The following IKBKE variants were observed in gnomAD, a reference collection of about 807,000 sequenced individuals.
IKBKE encodes inhibitor of nuclear factor kappa B kinase subunit epsilon.
A neutral mutation model predicts 92.1 loss-of-function variants in IKBKE; 45 were observed. The ratio of observed to expected loss-of-function variants is 0.49; its 90% CI spans 0.38 to 0.63. IKBKE has a LOEUF of 0.63. Among genes scored for constraint, IKBKE ranks in the 20% least tolerant of loss-of-function variants. The pLI is 0.00. For synonymous variants in IKBKE, 374 were observed against 380.3 expected, an observed-to-expected ratio of 0.98 and a Z score of 0.19; for missense variants, 700 against 932.8, an observed-to-expected ratio of 0.75 and a Z score of 3.25.
Position 206,476,757 on chromosome 1 carries a change from T to C in IKBKE, c.620T>C (p.Ile207Thr). The change falls in exon 7 of 22, where the codon ATT (isoleucine) becomes ACT (threonine). Residue 207 changes from isoleucine to threonine, a missense_variant. By Grantham distance (89) the Ile-to-Thr change is moderately conservative (BLOSUM62 -1). Coordinates refer to ENST00000581977, the MANE Select transcript of IKBKE (RefSeq NM_014002.4). This position sits in a 1 kb window ranked among gnomAD's most constrained non-coding sequence, Gnocchi z 5.1. The part of the protein sequence containing the change: ...AFGVTVDLWS[I>T]GVTLYHAATG... ...GGGGTGACTGTGGATCTCTGGAGCA[T>C]TGGAGTGACCTTGTACCATGCAGCC... The C allele has an allele frequency of 1.9e-6, 3 of 1,614,206 alleles. No homozygotes were observed. The highest frequency in any genetic ancestry group is 2.5e-6 in the Non-Finnish European group (3 of 1,180,032).
chr1:206,474,233 G>T (rs1249566142), intron 3 of IKBKE, 98 bp from the exon 4 acceptor site: 3 of 1,221,796 alleles, frequency 2.5e-6, no homozygotes, highest in Non-Finnish European at 3.5e-6. Flanking sequence ...TGGCCGGAGA[G>T]GCTGAATGGA....
intron 2 of IKBKE, 83 bp from the exon 3 acceptor site, chr1:206,473,113 G>A: frequency 1.3e-6 from 1 of 769,696 alleles, no homozygotes; most frequent in East Asian, 2.7e-5. Flanking sequence ...GGGTAGCCTT[G>A]GGGCACAGTT....
At position 206,476,727 on chromosome 1, in the gene IKBKE, C is replaced by A; in HGVS notation, c.590C>A (p.Ala197Glu). Reference sequence around the variant, plus strand: ...GTGCTTCGAAAGCCCCAGCAAAAAGCGTTCGGGGTGACTGTGGATCTCTGG... The same window carrying A: ...GTGCTTCGAAAGCCCCAGCAAAAAGAGTTCGGGGTGACTGTGGATCTCTGG... Reference protein sequence around the residue: ...RAVLRKPQQKAFGVTVDLWSI... With the variant: ...RAVLRKPQQKEFGVTVDLWSI... Residue 197 changes from alanine to glutamate, a missense_variant, in exon 7 of 22, where the codon GCG (alanine) becomes GAG (glutamate). Coordinates refer to ENST00000581977, the MANE Select transcript of IKBKE (RefSeq NM_014002.4). The surrounding 1 kb of genome is among the most constrained non-coding windows in gnomAD (Gnocchi z 5.1). The A allele has an allele frequency of 1.2e-6, 2 of 1,614,256 alleles. No individual in the cohort carries two copies. Among genetic ancestry groups the A allele is most frequent in the Non-Finnish European group, 1.7e-6 (2 of 1,180,036 alleles).
At chr1:206,493,199 C>A in intron 19 of IKBKE, 67 bp from the exon 20 acceptor site, 1 of 1,553,292 alleles carries the variant, frequency 6.4e-7, no homozygotes, top group Non-Finnish European at 8.9e-7. Context: ...CCTCCTCCAG[C>A]ACTCCCCCTA....
At chr1:206,486,927 G>T (rs1665698830) in intron 15 of IKBKE, among the ~76,000 whole-genome samples, 1 of 151,958 alleles carries the variant, frequency 6.6e-6, no homozygotes, top group Non-Finnish European at 1.5e-5. Context: ...GAAGGCTGAG[G>T]ATCAAGGCCC....
Position 206,478,009 on chromosome 1 carries a change from A to C in IKBKE, c.812+150A>C. On this transcript the variant is annotated intron_variant, in intron 8 of 21. Transcript: ENST00000581977. This position sits in a 1 kb window ranked among gnomAD's most constrained non-coding sequence, Gnocchi z 4.8. ...ACTTTCCCATCTGGTTGCTGGAACG[A>C]GTTCTTCCAGCTCTTCCTCCCCAAC... 1.2e-6 allele frequency: 1 copy of C among 823,860 alleles called. No individual in the cohort carries two copies. The highest frequency in any genetic ancestry group is 1.9e-6 in the Non-Finnish European group (1 of 512,918). 51.0% of individuals were successfully genotyped at this position (823,860 alleles called of 1,614,324 possible).
intron 18 of IKBKE, chr1:206,492,691 G>A: frequency 1.9e-6 from 1 of 524,436 alleles, no homozygotes; most frequent in Non-Finnish European, 3.8e-6. Flanking sequence ...TGAGAGCCCT[G>A]GTGTGGGCTA....
At chr1:206,492,009 T>C in intron 18 of IKBKE, 1 of 383,052 alleles carries the variant, frequency 2.6e-6, no homozygotes, top group Non-Finnish European at 4.9e-6. Flanking sequence ...ACTGAGGCTC[T>C]GAGAACAGGT....
Position 206,484,980 on chromosome 1 carries a change from T to G in IKBKE, c.1428-17T>G, listed in dbSNP as rs1553388200. 2 of 1,611,888 alleles carry G rather than the reference T, an allele frequency of 1.2e-6. No individual in the cohort carries two copies. Among genetic ancestry groups the G allele is most frequent in the Admixed American group, 3.3e-5 (2 of 60,006 alleles). On this transcript the variant is annotated splice_polypyrimidine_tract_variant and intron_variant, in intron 13 of 21. Coordinates refer to ENST00000581977, the MANE Select transcript of IKBKE (RefSeq NM_014002.4). Reference sequence around the variant, plus strand: ...CCTAAGCCCCCAAATGTGGCCTTTCTCTTTGCTTCCCTCAAGGTTCAGCAG... The same window carrying G: ...CCTAAGCCCCCAAATGTGGCCTTTCGCTTTGCTTCCCTCAAGGTTCAGCAG...
Position 206,478,217 on chromosome 1 carries a change from C to A in IKBKE, c.870C>A (p.Ala290=). 6.2e-7 allele frequency: 1 copy of A among 1,614,188 alleles called. No homozygotes were observed. Among genetic ancestry groups the A allele is most frequent in the Non-Finnish European group, 8.5e-7 (1 of 1,180,032 alleles). The stretch of plus-strand genomic sequence containing the variant: ...CCAACATCCTGGAGGTGGAGCAGGC[C>A]AAGTGCTGGGGCTTCGACCAGTTCT... ...ILANILEVEQ[A]KCWGFDQFFA... is the part of the protein sequence containing the mutation. The change falls in exon 9 of 22, where the codon GCC becomes GCA. Residue 290 remains alanine (A), a synonymous_variant. Coordinates refer to ENST00000581977, the MANE Select transcript of IKBKE (RefSeq NM_014002.4). This position sits in a 1 kb window ranked among gnomAD's most constrained non-coding sequence, Gnocchi z 4.8.
chr1:206,484,133 G>GTATTGTATTA (rs1553387951), intron 13 of IKBKE, among the ~76,000 whole-genome samples: 1 of 150,108 alleles, frequency 6.7e-6, no homozygotes, highest in Non-Finnish European at 1.5e-5. Context: ...GTATTGTATT[G>GTATTGTATTA]TATTGTATTG....
At chr1:206,491,032 T>C (rs1450507582) in intron 17 of IKBKE, 174 bp downstream of exon 17, 1 of 648,832 alleles carries the variant, frequency 1.5e-6, no homozygotes, top group South Asian at 1.7e-5. Flanking sequence ...CATAGCTTAG[T>C]TGGAGGGAGA....
intron 10 of IKBKE, 33 bp downstream of exon 10, chr1:206,479,166 C>T (rs781899286): frequency 6.0e-6 from 9 of 1,509,580 alleles, no homozygotes; most frequent in African/African-American, 1.4e-5. Context: ...GATCTTTCTC[C>T]TCCCCACATT....
At chr1:206,474,744 G>C (rs1462249500) in intron 4 of IKBKE, 121 bp from the exon 5 acceptor site, 2 of 1,225,754 alleles carry the variant, frequency 1.6e-6, no homozygotes, top group African/African-American at 1.5e-5. Context: ...AGGAGGGAAG[G>C]CCAGGCCAGA....
rs201633727 is a variant in IKBKE, at chr1:206,474,309, A to G, written c.88-22A>G. 2.2e-5 allele frequency: 36 copies of G among 1,605,082 alleles called. 1 individual carries two copies. The East Asian group carries it at 7.8e-4, about 35-fold the overall frequency. On this transcript the variant is annotated intron_variant, in intron 3 of 21. Transcript: ENST00000581977. ...ATGTGCTAATCCCATGCTGTCTCCC[A>G]CTGCTCCCTCCCCAATGGCAGAAAT...
At chr1:206,486,002 A>G (rs994028629) in intron 15 of IKBKE, among the ~76,000 whole-genome samples, 3 of 152,234 alleles carry the variant, frequency 2.0e-5, no homozygotes, top group Non-Finnish European at 2.9e-5. Context: ...ATCTGGGCCT[A>G]TCCCCATCCA....
chr1:206,479,542 T>C (rs1274804635), intron 10 of IKBKE, among the ~76,000 whole-genome samples: 1 of 152,206 alleles, frequency 6.6e-6, no homozygotes, highest in Non-Finnish European at 1.5e-5. Context: ...AAATGTCCTT[T>C]CTTCTCACTT....
rs374782915 is a variant in IKBKE at position 206,480,033 on chromosome 1, C to T, written c.1260C>T (p.Gly420=). ...TCTCTGTGTTTCAGGGCGTGTTGGG[C>T]GCCGGCTACCAGGCCCTGCGGCTGG... is the stretch of plus-strand genomic sequence containing the variant. ...ADYNTAKGVL[G]AGYQALRLAR... is the part of the protein sequence containing the mutation. The change falls in exon 12 of 22, where the codon GGC becomes GGT. Residue 420 remains glycine, a synonymous_variant. Transcript: ENST00000581977. 16 of 1,608,296 alleles carry T rather than the reference C, an allele frequency of 9.9e-6. No homozygotes were observed. Among genetic ancestry groups the T allele is most frequent in the East Asian group, 2.2e-5 (1 of 44,676 alleles).
rs781867739 is a variant in IKBKE at position 206,485,263 on chromosome 1, C to T, written c.1573C>T (p.Arg525Trp). The T allele has an allele frequency of 8.7e-6, 14 of 1,613,834 alleles. No individual in the cohort carries two copies. Among genetic ancestry groups the T allele is most frequent in the Middle Eastern group, 3.3e-4 (2 of 6,058 alleles). ...ETQESLSSLN[R>W]ELVKSRDQVH... is the part of the protein sequence containing the mutation. ...CCAGGAGAGCCTGAGCAGCCTGAAC[C>T]GGGAGCTGGTGAAGAGCCGGGATCA... is the stretch of plus-strand genomic sequence containing the variant. Residue 525 changes from arginine to tryptophan, a missense_variant, in exon 15 of 22, where the codon CGG becomes TGG. By Grantham distance (101) the Arg-to-Trp change is moderately radical. Transcript: ENST00000581977. The surrounding 1 kb of genome is among the most constrained non-coding windows in gnomAD (Gnocchi z 5.0).
Sources: gnomAD v4.1 joint callset for allele counts (sites outside exome capture counted in the v4.1 genomes callset) on GRCh38, gnomAD v4.1.1 for gene constraint, Gnocchi (gnomAD v3.1) non-coding constraint, MANE v1.5 for transcripts, NCBI Gene and HGNC (gene_info 2026-07-23, HGNC 2026-07-21) for gene names.